The following JHY variants were observed in gnomAD, a reference collection of about 807,000 sequenced individuals.
JHY encodes jhy protein homolog.
JHY carries 69 observed loss-of-function variants against 78.0 expected under a neutral mutation model. The observed-to-expected ratio is 0.88, with a 90% CI of 0.73 to 1.08. The LOEUF is 1.08. JHY is among the 50% of genes least tolerant of loss of function. JHY has a pLI of 0.00. For missense variants in JHY, 944 were observed against 927.8 expected (o/e 1.02, Z -0.23); for synonymous variants, 368 against 342.6 (o/e 1.07, Z -0.82).
chr11:122,905,572 T>A (rs1409590345), intron 3 of JHY: 4 of 1,028,454 alleles, frequency 3.9e-6, no homozygotes, highest in Non-Finnish European at 4.7e-6. Context: ...CTTTTTTGTC[T>A]TAAAGAATTA....
At chr11:122,915,095 G>C (rs904571481) in intron 3 of JHY, among the ~76,000 whole-genome samples, 4 of 151,916 alleles carry the variant, frequency 2.6e-5, no homozygotes, top group Admixed American at 6.6e-5. Context: ...TTGAAAACCA[G>C]AAATTTAACA....
intron 4 of JHY, among the ~76,000 whole-genome samples, chr11:122,933,689 A>G (rs990348116): frequency 8.5e-5 from 13 of 152,206 alleles, no homozygotes; most frequent in African/African-American, 3.1e-4. Context: ...CTCTGAATAA[A>G]ATCTAATTTG....
intron 2 of JHY, among the ~76,000 whole-genome samples, chr11:122,903,197 A>C (rs1443546784): frequency 1.3e-5 from 2 of 152,340 alleles, no homozygotes; most frequent in Non-Finnish European, 2.9e-5. Context: ...AGTGTATGAA[A>C]TGTATTACCA....
At chr11:122,958,325 C>T (rs1864235644) in intron 8 of JHY, among the ~76,000 whole-genome samples, 1 of 152,198 alleles carries the variant, frequency 6.6e-6, no homozygotes, top group Non-Finnish European at 1.5e-5. Context: ...TTCATGTTCT[C>T]TTTCACAGAC....
rs528038691 is a variant in JHY, at chr11:122,901,656, G to A, written c.345-2269G>A. ...TTGGAGGCTGAGGCAGGCAGATCAC[G>A]AGGTCAGGAGATCGAGACCATCCTG... On this transcript the variant is annotated intron_variant, in intron 2 of 8. Transcript: ENST00000227349. 5.3e-5 allele frequency among the ~76,000 whole-genome samples: 8 copies of A among 151,898 alleles called. No individual in the cohort carries two copies. In the South Asian group the frequency reaches 8.3e-4, roughly 16 times the overall value.
At chr11:122,938,937 C>T (rs933716286) in intron 5 of JHY, among the ~76,000 whole-genome samples, 27 of 151,062 alleles carry the variant, frequency 1.8e-4, no homozygotes, top group Non-Finnish European at 3.4e-4. Context: ...GGGACAGTTG[C>T]CTAGGTGCAC....
chr11:122,891,570 T>A (rs201875286), intron 2 of JHY, among the ~76,000 whole-genome samples: 2 of 147,502 alleles, frequency 1.4e-5, no homozygotes, highest in Non-Finnish European at 1.5e-5. Context: ...CCTTGTATAT[T>A]AAAAAAAAAA....
intron 6 of JHY, among the ~76,000 whole-genome samples, chr11:122,951,304 T>G (rs927903480): frequency 3.3e-5 from 5 of 152,170 alleles, no homozygotes; most frequent in Non-Finnish European, 5.9e-5. Context: ...GCAAACAGTA[T>G]AAAAATATCT....
intron 2 of JHY, among the ~76,000 whole-genome samples, chr11:122,889,332 G>GA (rs1862562772): frequency 6.4e-5 from 1 of 15,580 alleles, no homozygotes; most frequent in Admixed American, 3.9e-4. Context: ...CCGTATCCAT[G>GA]GTTTCGCATC....
chr11:122,923,906 T>C (rs1449320625), intron 3 of JHY, among the ~76,000 whole-genome samples: 11 of 143,798 alleles, frequency 7.6e-5, no homozygotes, highest in Admixed American at 6.9e-4. Flanking sequence ...TTTTTTTTTT[T>C]TTTTGTATTT....
In JHY at chr11:122,934,953, G is replaced by A. The variant is rs759240514; in HGVS notation, c.1512G>A (p.Val504=). 1.9e-5 allele frequency: 31 copies of A among 1,613,950 alleles called. No individual in the cohort carries two copies. The highest frequency in any genetic ancestry group is 2.4e-5 in the Non-Finnish European group (28 of 1,180,034). The part of the protein sequence containing the change: ...NNLNELSKRH[V]LLSQKGSQFV... ...TTAATGAACTTTCTAAGAGACACGT[G>A]CTCCTGAGCCAGAAAGGCTCTCAGT... is the stretch of plus-strand genomic sequence containing the variant. The change falls in exon 5 of 9, where the codon GTG becomes GTA. Residue 504 remains valine, a synonymous_variant. Coordinates refer to ENST00000227349, the MANE Select transcript of JHY (RefSeq NM_024806.4).
At chr11:122,918,438 A>G (rs771103321) in intron 3 of JHY, among the ~76,000 whole-genome samples, 4 of 151,440 alleles carry the variant, frequency 2.6e-5, no homozygotes, top group Non-Finnish European at 5.9e-5. Context: ...GGAAATCACA[A>G]CGTTAAATGG....
rs1235366814 is a variant in JHY at position 122,898,838 on chromosome 11, C to T, written c.345-5087C>T. 6.6e-6 allele frequency among the ~76,000 whole-genome samples: 1 copy of T among 152,240 alleles called. No homozygotes were observed. Among genetic ancestry groups the T allele is most frequent in the Non-Finnish European group, 1.5e-5 (1 of 68,042 alleles). On this transcript the variant is annotated intron_variant, in intron 2 of 8. Transcript: ENST00000227349. This position sits in a 1 kb window ranked among gnomAD's most constrained non-coding sequence, Gnocchi z 4.4. ...TTTGCAACGTCCCTCGAGATCTGAC[C>T]TTTGCTTGCCCTTGAGCTGTGCTCC... is the stretch of plus-strand genomic sequence containing the variant.
rs764183163 is a variant in JHY at position 122,886,062 on chromosome 11, C to G, written c.213C>G (p.Pro71=). The change falls in exon 2 of 9, where the codon CCC becomes CCG. Residue 71 remains proline, a synonymous_variant. Coordinates refer to ENST00000227349, the MANE Select transcript of JHY (RefSeq NM_024806.4). Reference sequence around the variant, plus strand: ...GAATCCGGGGCAACGGTATGGAGCCCGACAGCTTAGACGAGGAGGAAAGCC... The same window carrying G: ...GAATCCGGGGCAACGGTATGGAGCCGGACAGCTTAGACGAGGAGGAAAGCC... ...DDRIRGNGME[P]DSLDEEESPR... is the part of the protein sequence containing the mutation. 8.7e-6 allele frequency: 14 copies of G among 1,613,994 alleles called. No homozygotes were observed. Among genetic ancestry groups the G allele is most frequent in the East Asian group, 6.7e-5 (3 of 44,866 alleles).
At chr11:122,931,326 T>A (rs1054048323) in intron 4 of JHY, among the ~76,000 whole-genome samples, 5 of 152,226 alleles carry the variant, frequency 3.3e-5, no homozygotes, top group African/African-American at 1.2e-4. Flanking sequence ...GAAAAGGTAA[T>A]GATAGTATTA....
chr11:122,913,243 G>T (rs1347537749), intron 3 of JHY, among the ~76,000 whole-genome samples: 1 of 152,062 alleles, frequency 6.6e-6, no homozygotes, highest in Non-Finnish European at 1.5e-5. Flanking sequence ...CTACAATCTT[G>T]TATGCAACTA....
At chr11:122,913,893 C>T (rs1863181943) in intron 3 of JHY, among the ~76,000 whole-genome samples, 1 of 152,046 alleles carries the variant, frequency 6.6e-6, no homozygotes, top group Admixed American at 6.6e-5. Flanking sequence ...TTTTTAAATA[C>T]TTTTCCTTTG....
chr11:122,921,456 A>G (rs1863363317), intron 3 of JHY, among the ~76,000 whole-genome samples: 1 of 152,168 alleles, frequency 6.6e-6, no homozygotes, highest in African/African-American at 2.4e-5. Flanking sequence ...TTGAGGTTTG[A>G]AAAGGATGAT....
chr11:122,918,052 C>T (rs1261502151), intron 3 of JHY, among the ~76,000 whole-genome samples: 1 of 151,458 alleles, frequency 6.6e-6, no homozygotes, highest in East Asian at 1.9e-4. Flanking sequence ...AGGCATGAGC[C>T]ACCACACCCA....
Sources: gnomAD v4.1 joint callset for allele counts (sites outside exome capture counted in the v4.1 genomes callset) on GRCh38, gnomAD v4.1.1 for gene constraint, Gnocchi (gnomAD v3.1) non-coding constraint, MANE v1.5 for transcripts, NCBI Gene and HGNC (gene_info 2026-07-23, HGNC 2026-07-21) for gene names.